The following AHCYL2 variants were observed in gnomAD, a reference collection of about 807,000 sequenced individuals.
The protein encoded by AHCYL2 is S-adenosylhomocysteine hydrolase-like protein 2.
A neutral mutation model predicts 81.4 loss-of-function variants in AHCYL2; 28 were observed. That is an observed-to-expected ratio of 0.34 (90% CI 0.25 to 0.47). The LOEUF (loss-of-function observed/expected upper bound fraction) is 0.47, where lower values mean the gene tolerates loss of function less well. Among genes scored for constraint, AHCYL2 ranks in the 20% least tolerant of loss-of-function variants. The pLI is 1.00. For synonymous variants in AHCYL2, 272 were observed against 290.2 expected, an observed-to-expected ratio of 0.94 and a Z score of 0.64; for missense variants, 551 against 785.1, an observed-to-expected ratio of 0.70 and a Z score of 3.56.
At position 129,426,112 on chromosome 7, in the gene AHCYL2, G is replaced by A. The variant is rs767666084; in HGVS notation, c.1709-331G>A. ...AGTCCAAGGCAAAACTCAAGTTGGA[G>A]CTTCCCATTATTTAGTTCCCACATT... is the stretch of plus-strand genomic sequence containing the variant. On this transcript the variant is annotated intron_variant, in intron 15 of 16. Transcript: ENST00000325006. This position sits in a 1 kb window ranked among gnomAD's most constrained non-coding sequence, Gnocchi z 4.3. Among the ~76,000 whole-genome samples the A allele has an allele frequency of 4.6e-5, 7 of 152,232 alleles. No individual in the cohort carries two copies. Among genetic ancestry groups the A allele is most frequent in the Non-Finnish European group, 8.8e-5 (6 of 68,050 alleles).
At chr7:129,371,469 T>C (rs1449964574) in intron 1 of AHCYL2, among the ~76,000 whole-genome samples, 2 of 152,204 alleles carry the variant, frequency 1.3e-5, no homozygotes, top group African/African-American at 4.8e-5. Context: ...CGAGGTAGAC[T>C]TTCAAGGTTA....
At chr7:129,247,777 T>C (rs1795111602) in intron 1 of AHCYL2, among the ~76,000 whole-genome samples, 1 of 152,082 alleles carries the variant, frequency 6.6e-6, no homozygotes, top group African/African-American at 2.4e-5. Context: ...AATTTTTCTA[T>C]TTTTCGTAGA....
At chr7:129,281,062 A>G (rs995586178) in intron 1 of AHCYL2, among the ~76,000 whole-genome samples, 3 of 151,748 alleles carry the variant, frequency 2.0e-5, no homozygotes, top group Non-Finnish European at 4.4e-5. Context: ...ATGGGGTTTC[A>G]CCATGTTAGC....
At chr7:129,294,096 T>C (rs1005016452) in intron 1 of AHCYL2, among the ~76,000 whole-genome samples, 3 of 152,232 alleles carry the variant, frequency 2.0e-5, no homozygotes, top group African/African-American at 7.2e-5. Context: ...CTCTTCTTTA[T>C]TGGGAGACTG....
At chr7:129,312,856 C>T (rs1270159294) in intron 1 of AHCYL2, among the ~76,000 whole-genome samples, 2 of 152,140 alleles carry the variant, frequency 1.3e-5, no homozygotes, top group African/African-American at 2.4e-5. Flanking sequence ...TTCAGACTTA[C>T]ATCACCCCAT....
intron 1 of AHCYL2, among the ~76,000 whole-genome samples, chr7:129,378,023 T>G (rs1584851720): frequency 1.3e-5 from 2 of 152,104 alleles, no homozygotes; most frequent in African/African-American, 4.8e-5. Context: ...AAATTAATAT[T>G]TACTTACTAG....
intron 1 of AHCYL2, among the ~76,000 whole-genome samples, chr7:129,256,329 GC>G (rs1795418759): frequency 1.3e-5 from 2 of 152,266 alleles, no homozygotes; most frequent in East Asian, 3.9e-4. Context: ...TTATCCTCTA[GC>G]CATCTGATTC....
intron 2 of AHCYL2, among the ~76,000 whole-genome samples, chr7:129,386,417 C>A (rs534829316): frequency 6.6e-6 from 1 of 151,390 alleles, no homozygotes; most frequent in East Asian, 1.9e-4. Context: ...GAGCTGAGAT[C>A]GTGCTACTGT....
Position 129,368,280 on chromosome 7 carries a change from C to A in AHCYL2, c.364-11358C>A. 7.1e-7 allele frequency: 1 copy of A among 1,416,434 alleles called. No homozygotes were observed. Among genetic ancestry groups the A allele is most frequent in the African/African-American group, 1.4e-5 (1 of 69,210 alleles). 87.7% of individuals were successfully genotyped at this position (1,416,434 alleles called of 1,614,324 possible). On this transcript the variant is annotated intron_variant, in intron 1 of 16. Coordinates refer to ENST00000325006, the MANE Select transcript of AHCYL2 (RefSeq NM_015328.4). This position sits in a 1 kb window ranked among gnomAD's most constrained non-coding sequence, Gnocchi z 4.4. ...TGATTTTGAAATCAGACACAGAAGG[C>A]TTTGAAGCCGGCCAGTAAGGGGTTG...
chr7:129,370,974 G>A (rs563766058), intron 1 of AHCYL2, among the ~76,000 whole-genome samples: 49 of 152,314 alleles, frequency 3.2e-4, no homozygotes, highest in African/African-American at 1.1e-3. Flanking sequence ...TGGTCTGAAA[G>A]TACTTCATTA....
At chr7:129,361,771 G>A (rs770666185) in intron 1 of AHCYL2, among the ~76,000 whole-genome samples, 3 of 149,890 alleles carry the variant, frequency 2.0e-5, no homozygotes, top group Non-Finnish European at 4.4e-5. Flanking sequence ...GACTGTAGGC[G>A]CACACCACTA....
chr7:129,235,312 T>G (rs1794604528), intron 1 of AHCYL2, among the ~76,000 whole-genome samples: 1 of 151,980 alleles, frequency 6.6e-6, no homozygotes, highest in South Asian at 2.1e-4. Flanking sequence ...AGTGCAATAG[T>G]ATGATCACTG....
chr7:129,374,752 AG>A (rs1794590881), intron 1 of AHCYL2, among the ~76,000 whole-genome samples: 1 of 150,606 alleles, frequency 6.6e-6, no homozygotes, highest in Non-Finnish European at 1.5e-5. Flanking sequence ...GGTTGCAGTG[AG>A]CCGAGATCGC....
chr7:129,250,014 T>A (rs1224614683), intron 1 of AHCYL2, among the ~76,000 whole-genome samples: 1 of 152,190 alleles, frequency 6.6e-6, no homozygotes, highest in Non-Finnish European at 1.5e-5. Context: ...ATGCTGTTAT[T>A]GGGGTACAAG....
intron 1 of AHCYL2, among the ~76,000 whole-genome samples, chr7:129,277,481 T>C (rs1034923823): frequency 6.6e-6 from 1 of 152,116 alleles, no homozygotes; most frequent in Non-Finnish European, 1.5e-5. Context: ...GGTTTTGCCA[T>C]GTTGCCCAGG....
chr7:129,371,486 A>G (rs1039158584), intron 1 of AHCYL2, among the ~76,000 whole-genome samples: 1 of 152,244 alleles, frequency 6.6e-6, no homozygotes, highest in African/African-American at 2.4e-5. Context: ...GTTACGTTCC[A>G]TCAATCACTG....
At chr7:129,334,781 G>A (rs1798537274) in intron 1 of AHCYL2, among the ~76,000 whole-genome samples, 2 of 152,126 alleles carry the variant, frequency 1.3e-5, no homozygotes, top group South Asian at 4.1e-4. Flanking sequence ...GTTCTTTGGA[G>A]GAAGGCATAA....
intron 1 of AHCYL2, among the ~76,000 whole-genome samples, chr7:129,236,360 C>A (rs979225972): frequency 6.6e-6 from 1 of 151,752 alleles, no homozygotes; most frequent in Non-Finnish European, 1.5e-5. Flanking sequence ...GCCACCACCC[C>A]TAGCTAATTT....
At chr7:129,421,660 C>T (rs1423933336) in intron 12 of AHCYL2, among the ~76,000 whole-genome samples, 3 of 152,184 alleles carry the variant, frequency 2.0e-5, no homozygotes, top group African/African-American at 7.2e-5. Flanking sequence ...ACGGTCCACA[C>T]CATTAATATA....
Sources: gnomAD v4.1 joint callset for allele counts (sites outside exome capture counted in the v4.1 genomes callset) on GRCh38, gnomAD v4.1.1 for gene constraint, Gnocchi (gnomAD v3.1) non-coding constraint, MANE v1.5 for transcripts, NCBI Gene and HGNC (gene_info 2026-07-23, HGNC 2026-07-21) for gene names.